The following PTPRD variants were observed in gnomAD, a reference collection of about 807,000 sequenced individuals.
PTPRD encodes protein tyrosine phosphatase receptor type D.
A neutral mutation model predicts 214.5 loss-of-function variants in PTPRD; 34 were observed. That is an observed-to-expected ratio of 0.16 (90% CI 0.12 to 0.21). The LOEUF is 0.21. Among genes scored for constraint, PTPRD ranks in the 10% least tolerant of loss-of-function variants. The pLI is 1.00. For missense variants in PTPRD, 2,545 were observed against 2,398.7 expected, an observed-to-expected ratio of 1.06 and a Z score of -1.27; for synonymous variants, 1,128 against 845.7, an observed-to-expected ratio of 1.33 and a Z score of -5.79.
At chr9:10,300,803 C>G in intron 3 of PTPRD, among the ~76,000 whole-genome samples, 2 of 152,168 alleles carry the variant, frequency 1.3e-5, no homozygotes, top group South Asian at 4.2e-4. Context: ...TCCCTGAGAC[C>G]GAGCACCTGG....
At chr9:8,853,849 A>G (rs2097862687) in intron 11 of PTPRD, among the ~76,000 whole-genome samples, 1 of 152,180 alleles carries the variant, frequency 6.6e-6, no homozygotes, top group African/African-American at 2.4e-5. Flanking sequence ...AGCTTTCCTA[A>G]AAGATATTTT....
chr9:9,552,646 T>C (rs1168970863), intron 8 of PTPRD, among the ~76,000 whole-genome samples: 1 of 152,068 alleles, frequency 6.6e-6, no homozygotes, highest in East Asian at 1.9e-4. Flanking sequence ...TTTGCAGACA[T>C]TGCTTCTTGG....
At chr9:9,655,016 T>A (rs952901017) in intron 7 of PTPRD, among the ~76,000 whole-genome samples, 1 of 152,030 alleles carries the variant, frequency 6.6e-6, no homozygotes, top group African/African-American at 2.4e-5. Flanking sequence ...GATATAGATA[T>A]ATAGATATAG....
chr9:8,818,844 A>T (rs564944159), intron 11 of PTPRD, among the ~76,000 whole-genome samples: 1 of 152,356 alleles, frequency 6.6e-6, no homozygotes, highest in East Asian at 1.9e-4. Context: ...ACATAAATTC[A>T]GCCATTCTGA....
intron 3 of PTPRD, among the ~76,000 whole-genome samples, chr9:10,085,472 T>C (rs1375683469): frequency 6.6e-6 from 1 of 151,864 alleles, no homozygotes; most frequent in Admixed American, 6.6e-5. Flanking sequence ...TGAGAAACCT[T>C]GTTTCTGTTG....
chr9:8,984,280 T>C (rs116356786), intron 11 of PTPRD, among the ~76,000 whole-genome samples: 2,868 of 152,154 alleles, frequency 0.019, 92 homozygotes, highest in African/African-American at 0.064. Flanking sequence ...ATTACTGGCA[T>C]TTAATGAAAC....
intron 8 of PTPRD, among the ~76,000 whole-genome samples, chr9:9,398,199 C>T (rs2068662157): frequency 6.6e-6 from 1 of 151,446 alleles, no homozygotes; most frequent in African/African-American, 2.4e-5. Context: ...TTCCTTATGG[C>T]CAGCTCAATT....
chr9:8,488,899 T>C (rs2097092484), intron 27 of PTPRD, among the ~76,000 whole-genome samples: 1 of 152,142 alleles, frequency 6.6e-6, no homozygotes, highest in South Asian at 2.1e-4. Flanking sequence ...CTATTAATTC[T>C]CAATATTCTC....
intron 2 of PTPRD, among the ~76,000 whole-genome samples, chr9:10,480,711 G>A (rs972769471): frequency 6.6e-6 from 1 of 151,856 alleles, no homozygotes; most frequent in Non-Finnish European, 1.5e-5. Context: ...GGAAACAAAA[G>A]TAAAAATGAG....
At chr9:10,235,838 T>C (rs778527257) in intron 3 of PTPRD, among the ~76,000 whole-genome samples, 4 of 151,984 alleles carry the variant, frequency 2.6e-5, no homozygotes, top group Non-Finnish European at 4.4e-5. Context: ...AAAACATAAC[T>C]TGGGCAATTC....
chr9:9,124,004 G>A (rs1018080570), intron 10 of PTPRD, among the ~76,000 whole-genome samples: 4 of 152,032 alleles, frequency 2.6e-5, no homozygotes, highest in Non-Finnish European at 4.4e-5. Flanking sequence ...TTGTCTAAAA[G>A]GTGGGGTGGG....
intron 3 of PTPRD, among the ~76,000 whole-genome samples, chr9:10,315,249 T>C (rs2096390270): frequency 6.6e-6 from 1 of 151,878 alleles, no homozygotes; most frequent in African/African-American, 2.4e-5. Context: ...TAAAATAAGG[T>C]CAATCACAGA....
chr9:9,419,475 A>G (rs2078022673), intron 8 of PTPRD, among the ~76,000 whole-genome samples: 1 of 151,834 alleles, frequency 6.6e-6, no homozygotes, highest in Admixed American at 6.6e-5. Flanking sequence ...TTCAGAAATA[A>G]TTAACAATGT....
At chr9:9,523,916 CCGA>C (rs2097056398) in intron 8 of PTPRD, among the ~76,000 whole-genome samples, 1 of 152,180 alleles carries the variant, frequency 6.6e-6, no homozygotes, top group Admixed American at 6.5e-5. Context: ...CCATGTGCTT[CCGA>C]CGGGCTGACT....
chr9:8,611,777 G>A (rs1260961545), intron 14 of PTPRD, among the ~76,000 whole-genome samples: 1 of 145,864 alleles, frequency 6.9e-6, no homozygotes, highest in African/African-American at 2.6e-5. Context: ...AAGGAGGGGA[G>A]GGGAGGGGAG....
chr9:8,360,930 C>A (rs1315064291), intron 39 of PTPRD, among the ~76,000 whole-genome samples: 1 of 152,110 alleles, frequency 6.6e-6, no homozygotes, highest in African/African-American at 2.4e-5. Context: ...AAATTCACCC[C>A]CCTGCATCAA....
chr9:9,913,091 G>A (rs1416563058), intron 5 of PTPRD, among the ~76,000 whole-genome samples: 2 of 151,264 alleles, frequency 1.3e-5, no homozygotes, highest in Non-Finnish European at 3.0e-5. Flanking sequence ...AAATTTCCTG[G>A]GATATCAACA....
At chr9:8,671,482 G>C (rs1270592122) in intron 12 of PTPRD, among the ~76,000 whole-genome samples, 1 of 152,106 alleles carries the variant, frequency 6.6e-6, no homozygotes, top group African/African-American at 2.4e-5. Context: ...GCTTATTGCT[G>C]TAAGTATACT....
intron 2 of PTPRD, among the ~76,000 whole-genome samples, chr9:10,435,340 C>A (rs2098710309): frequency 6.6e-6 from 1 of 151,882 alleles, no homozygotes; most frequent in South Asian, 2.1e-4. Flanking sequence ...ACGACTCATA[C>A]AGAATGCAAA....
Sources: gnomAD v4.1 joint callset for allele counts (sites outside exome capture counted in the v4.1 genomes callset) on GRCh38, gnomAD v4.1.1 for gene constraint, MANE v1.5 for transcripts, NCBI Gene and HGNC (gene_info 2026-07-23, HGNC 2026-07-21) for gene names.